The following ZNF565 variants were observed in gnomAD, a reference collection of about 807,000 sequenced individuals.
ZNF565 encodes zinc finger protein 565.
In ZNF565, 27 loss-of-function variants were observed where a neutral mutation model predicts 39.4. The ratio of observed to expected loss-of-function variants is 0.69; its 90% CI spans 0.51 to 0.95. The LOEUF (loss-of-function observed/expected upper bound fraction) is 0.95, where lower values mean the gene tolerates loss of function less well. Ranked by LOEUF, ZNF565 falls within the 40% of genes least tolerant of loss-of-function variation. The pLI is 0.00. For missense variants in ZNF565, 524 were observed against 621.1 expected (o/e 0.84, Z 1.66); for synonymous variants, 185 against 216.6 (o/e 0.85, Z 1.28).
intron 4 of ZNF565, among the ~76,000 whole-genome samples, chr19:36,187,301 G>A (rs1267894515): frequency 6.6e-6 from 1 of 151,742 alleles, no homozygotes; most frequent in Non-Finnish European, 1.5e-5. Context: ...TGTTTCTAAA[G>A]TTATATACAC....
intron 1 of ZNF565, chr19:36,237,717 T>C (rs1170786914): frequency 5.6e-6 from 1 of 177,696 alleles, no homozygotes; most frequent in East Asian, 1.8e-4. Context: ...TTAAGACTCC[T>C]GTGGTATTGA....
chr19:36,229,540 C>T (rs1232837261), intron 1 of ZNF565, among the ~76,000 whole-genome samples: 2 of 152,114 alleles, frequency 1.3e-5, no homozygotes, highest in Non-Finnish European at 2.9e-5. Flanking sequence ...CACGTTTACG[C>T]GTGTCACGTA....
At chr19:36,240,154 G>A (rs896361672) in intron 1 of ZNF565, among the ~76,000 whole-genome samples, 3 of 152,130 alleles carry the variant, frequency 2.0e-5, no homozygotes, top group African/African-American at 4.8e-5. Flanking sequence ...ATTTATCAAC[G>A]AACCCTGGAT....
chr19:36,236,582 G>C lies in ZNF565; in HGVS notation c.55+8894C>G, dbSNP rs774347452. On this transcript the variant is annotated intron_variant, in intron 1 of 4. Coordinates refer to the ZNF565 transcript ENST00000355114. ...GAGAGAGAAACCTTTTGAATGTAACGAGTGTGGAAAAGCCTTTAGCCAAAA... is the reference window on the plus strand; with the variant it reads ...GAGAGAGAAACCTTTTGAATGTAACCAGTGTGGAAAAGCCTTTAGCCAAAA... 3 of 1,614,082 alleles carry C rather than the reference G, an allele frequency of 1.9e-6. No individual in the cohort carries two copies. In the African/African-American group the frequency reaches 4.0e-5, roughly 22 times the overall value.
At chr19:36,188,876 G>C (rs1365380976) in intron 4 of ZNF565, among the ~76,000 whole-genome samples, 1 of 152,112 alleles carries the variant, frequency 6.6e-6, no homozygotes, top group Non-Finnish European at 1.5e-5. Flanking sequence ...ATAAAATTCA[G>C]AGACATTCTA....
intron 1 of ZNF565, among the ~76,000 whole-genome samples, chr19:36,221,883 T>G (rs1482440618): frequency 6.6e-6 from 1 of 151,888 alleles, no homozygotes; most frequent in Non-Finnish European, 1.5e-5. Flanking sequence ...TCTCACTTTC[T>G]TTAATAACAG....
rs768987850 is a variant in ZNF565, at chr19:36,183,276, C to G, written c.690G>C (p.Lys230Asn). The G allele has an allele frequency of 6.5e-5, 105 of 1,614,054 alleles. No homozygotes were observed. The highest frequency in any genetic ancestry group is 8.6e-5 in the Non-Finnish European group (101 of 1,180,060). ...EKPYDCKDCG[K>N]AFGRTSELIL... ...TAAGTTCTGATGTACGACCAAAGGC[C>G]TTCCCACAGTCCTTACAGTCATAAG... The change falls in exon 5 of 5, where the codon AAG (lysine) becomes AAC (asparagine). Residue 230 changes from lysine (K) to asparagine (N), a missense_variant. Transcript: ENST00000304116.
intron 1 of ZNF565, among the ~76,000 whole-genome samples, chr19:36,209,006 AT>A (rs1320494523): frequency 1.3e-5 from 2 of 151,902 alleles, no homozygotes; most frequent in African/African-American, 4.8e-5. Context: ...CTAGTTTTTA[AT>A]TTTTTGTAGA....
chr19:36,226,573 AT>A (rs147959462), intron 1 of ZNF565, among the ~76,000 whole-genome samples: 1 of 151,418 alleles, frequency 6.6e-6, no homozygotes, highest in Non-Finnish European at 1.5e-5. Context: ...AATGTGTATG[AT>A]TTTTTTTTCC....
At position 36,245,561 on chromosome 19, in the gene ZNF565, C is replaced by G. The variant is rs1282398860; in HGVS notation, c.-31G>C. ...TGGTGGCTTGCTCTGGACTACATTT[C>G]CCAGGGTCCACCGCGGATCTAGGAG... is the stretch of plus-strand genomic sequence containing the variant. On this transcript the variant is annotated 5_prime_UTR_variant, in exon 1 of 5. Coordinates refer to the ZNF565 transcript ENST00000355114. The surrounding 1 kb of genome is among the most constrained non-coding windows in gnomAD (Gnocchi z 4.4). 1.4e-6 allele frequency: 1 copy of G among 702,272 alleles called. No homozygotes were observed. Among genetic ancestry groups the G allele is most frequent in the Non-Finnish European group, 2.6e-6 (1 of 384,790 alleles). 43.5% of individuals were successfully genotyped at this position (702,272 alleles called of 1,614,324 possible).
At position 36,193,239 on chromosome 19, in the gene ZNF565, T is replaced by G. The variant is rs570625259; in HGVS notation, c.232+994A>C. 3.3e-5 allele frequency among the ~76,000 whole-genome samples: 5 copies of G among 151,960 alleles called. No individual in the cohort carries two copies. The South Asian group carries it at 6.2e-4, about 19-fold the overall frequency. On this transcript the variant is annotated intron_variant, in intron 4 of 4. Coordinates refer to ENST00000304116, the MANE Select transcript of ZNF565 (RefSeq NM_152477.5). ...ACCTCGTGATCCGCCCGCCTCAGCC[T>G]CCCAAAGTGCAGGGATTACAGGTGT...
Position 36,211,449 on chromosome 19 carries a change from T to TCTCACACA in ZNF565, c.-66+3172_-66+3173insTGTGTGAG, listed in dbSNP as rs1229625965. 4.4e-3 allele frequency among the ~76,000 whole-genome samples: 606 copies of TCTCACACA among 137,768 alleles called. 2 individuals are homozygous for TCTCACACA. The highest frequency in any genetic ancestry group is 7.6e-3 in the East Asian group (34 of 4,476). 90.4% of individuals were successfully genotyped at this position (137,768 alleles called of 152,430 possible). ...ACAAGAGCCAAACTCCAACTCTCTC[T>TCTCACACA]CACACACACACACACACACACACAC... On this transcript the variant is annotated intron_variant, in intron 1 of 4. Transcript: ENST00000304116.
intron 2 of ZNF565, among the ~76,000 whole-genome samples, chr19:36,199,574 C>T (rs1419883013): frequency 2.8e-5 from 4 of 144,362 alleles, no homozygotes; most frequent in Non-Finnish European, 4.5e-5. Context: ...GTGGCATGAT[C>T]TCGGCTCACT....
chr19:36,195,297 C>T lies in ZNF565; in HGVS notation c.10-141G>A, dbSNP rs886539501. 1.0e-5 allele frequency: 10 copies of T among 989,652 alleles called. No homozygotes were observed. In the African/African-American group the frequency reaches 1.3e-4, roughly 13 times the overall value. 61.3% of individuals were successfully genotyped at this position (989,652 alleles called of 1,614,324 possible). A position where few individuals can be genotyped will look rare whatever the true frequency, so the allele number is the denominator to read the frequency against. On this transcript the variant is annotated intron_variant, in intron 2 of 4. Coordinates refer to ENST00000304116, the MANE Select transcript of ZNF565 (RefSeq NM_152477.5). ...TGCACCAGTCTGCTTCAACAGTTAA[C>T]AAGGTGTACCCTGTTTTATCTCTTC...
At position 36,194,685 on chromosome 19, in the gene ZNF565, G is replaced by A. The variant is rs527946217; in HGVS notation, c.136+345C>T. 1.0e-5 allele frequency: 5 copies of A among 476,694 alleles called. No homozygotes were observed. In the East Asian group the frequency reaches 2.1e-4, roughly 20 times the overall value. 29.5% of individuals were successfully genotyped at this position (476,694 alleles called of 1,614,324 possible). On this transcript the variant is annotated intron_variant, in intron 3 of 4. Transcript: ENST00000304116. ...CTTGATGCTCCTGGCCTTGTTCTGT[G>A]CCCAGCTCTGGGATCCCGACAGCTC...
At chr19:36,197,036 C>T (rs1219078096) in intron 2 of ZNF565, among the ~76,000 whole-genome samples, 1 of 149,156 alleles carries the variant, frequency 6.7e-6, no homozygotes, top group African/African-American at 2.5e-5. Context: ...GCCTGGGCAA[C>T]AAGAGTGAAA....
At position 36,183,750 on chromosome 19, in the gene ZNF565, AGATAAATACAAGCTGT is replaced by A; in HGVS notation, c.233-33_233-18del. On this transcript the variant is annotated intron_variant, in intron 4 of 4. Coordinates refer to ENST00000304116, the MANE Select transcript of ZNF565 (RefSeq NM_152477.5). ...ACTCCAAGTCTGAAAAATAAGAAAA[AGATAAATACAAGCTGT>A]GATCCTTCTCTATGAGAAATAAAAA... The A allele has an allele frequency of 6.3e-7, 1 of 1,590,894 alleles. No individual in the cohort carries two copies. Among genetic ancestry groups the A allele is most frequent in the Non-Finnish European group, 8.6e-7 (1 of 1,169,286 alleles).
intron 1 of ZNF565, among the ~76,000 whole-genome samples, chr19:36,232,503 T>G (rs1489329920): frequency 6.6e-6 from 1 of 152,144 alleles, no homozygotes; most frequent in African/African-American, 2.4e-5. Flanking sequence ...AAAAGGAAGG[T>G]CCATGTTTTA....
intron 2 of ZNF565, among the ~76,000 whole-genome samples, chr19:36,200,402 TAACTC>T (rs1211477553): frequency 3.9e-5 from 6 of 152,098 alleles, no homozygotes; most frequent in Non-Finnish European, 2.9e-5. Context: ...TTATGAAACA[TAACTC>T]TATTGTCAAA....
Sources: allele counts gnomAD v4.1 joint callset (sites outside exome capture counted in the v4.1 genomes callset), GRCh38; gene constraint gnomAD v4.1.1; non-coding constraint Gnocchi (gnomAD v3.1); transcripts MANE v1.5; gene names NCBI Gene and HGNC (gene_info 2026-07-23, HGNC 2026-07-21).